PARD3: variants seen among roughly 807,000 people sequenced by gnomAD.
The protein encoded by PARD3 is par-3 family cell polarity regulator, also known as partitioning defective 3 homolog.
Under a neutral mutation model 155.4 loss-of-function variants are expected in PARD3, and 75 were observed. The ratio of observed to expected loss-of-function variants is 0.48; its 90% CI spans 0.40 to 0.58. The LOEUF (loss-of-function observed/expected upper bound fraction) is 0.58, where lower values mean the gene tolerates loss of function less well. Among genes scored for constraint, PARD3 ranks in the 20% least tolerant of loss-of-function variants. PARD3 has a pLI of 0.00. For missense variants in PARD3, 1,642 were observed against 1,721.7 expected (o/e 0.95, Z 0.82); for synonymous variants, 576 against 610.5 (o/e 0.94, Z 0.83).
At chr10:34,361,302 C>G (rs1839414227) in intron 12 of PARD3, among the ~76,000 whole-genome samples, 1 of 152,230 alleles carries the variant, frequency 6.6e-6, no homozygotes, top group African/African-American at 2.4e-5. Context: ...TTCTCCTCCT[C>G]TTTTCCCACG....
intron 2 of PARD3, among the ~76,000 whole-genome samples, chr10:34,666,816 T>TGTATATATATATACAC (rs1554804683): frequency 1.1e-5 from 1 of 88,804 alleles, no homozygotes; most frequent in African/African-American, 4.7e-5. Context: ...TATATATATA[T>TGTATATATATATACAC]ACACACACAC....
chr10:34,760,478 C>T (rs1374455508), intron 1 of PARD3, among the ~76,000 whole-genome samples: 3 of 152,018 alleles, frequency 2.0e-5, no homozygotes, highest in Non-Finnish European at 4.4e-5. Context: ...ATTACAGGCA[C>T]CTGCCACCAT....
chr10:34,270,140 CTTTTTTT>C (rs3039311), intron 21 of PARD3, among the ~76,000 whole-genome samples: 1 of 121,800 alleles, frequency 8.2e-6, no homozygotes. Context: ...TAATTTAAAT[CTTTTTTT>C]TTTTTTTTTT....
chr10:34,765,381 G>A (rs1837961244), intron 1 of PARD3, among the ~76,000 whole-genome samples: 4 of 152,046 alleles, frequency 2.6e-5, no homozygotes, highest in Admixed American at 2.6e-4. Context: ...TTCTTCTTAA[G>A]ATTTGGGCTT....
Position 34,517,188 on chromosome 10 carries a change from T to C in PARD3, c.223-29A>G, listed in dbSNP as rs754310503. On this transcript the variant is annotated intron_variant, in intron 2 of 24. Coordinates refer to ENST00000374788, the MANE Select transcript of PARD3 (RefSeq NM_001184785.2). ...GAAATGAAAGGTAAATGTGCACTTA[T>C]AAATAAAGGCACTTAATTAACTACC... 8.8e-6 allele frequency: 14 copies of C among 1,596,528 alleles called. No individual in the cohort carries two copies. In the East Asian group the frequency reaches 1.3e-4, roughly 15 times the overall value.
chr10:34,685,443 G>A (rs1389408071), intron 2 of PARD3, among the ~76,000 whole-genome samples: 6 of 152,126 alleles, frequency 3.9e-5, no homozygotes, highest in East Asian at 1.9e-4. Flanking sequence ...AAAACAGTAC[G>A]CTGGTCACCA....
intron 22 of PARD3, among the ~76,000 whole-genome samples, chr10:34,232,502 T>C (rs1460104441): frequency 6.6e-6 from 1 of 152,138 alleles, no homozygotes; most frequent in Non-Finnish European, 1.5e-5. Flanking sequence ...TCTGAGATTT[T>C]TCAAACAAGA....
At chr10:34,521,839 G>A (rs963378969) in intron 2 of PARD3, among the ~76,000 whole-genome samples, 4 of 152,168 alleles carry the variant, frequency 2.6e-5, no homozygotes, top group Non-Finnish European at 5.9e-5. Context: ...GCCCACAACT[G>A]CATGTAGCAA....
At chr10:34,306,555 A>G (rs564239167) in intron 20 of PARD3, among the ~76,000 whole-genome samples, 1 of 151,796 alleles carries the variant, frequency 6.6e-6, no homozygotes, top group African/African-American at 2.4e-5. Context: ...AGGCTGAGGC[A>G]GGAGAATCGC....
At chr10:34,671,844 C>A (rs1415943608) in intron 2 of PARD3, among the ~76,000 whole-genome samples, 1 of 139,550 alleles carries the variant, frequency 7.2e-6, no homozygotes, top group Admixed American at 7.4e-5. Context: ...CAAAAACATG[C>A]TTTACAGTTT....
In PARD3 at chr10:34,382,652, T is replaced by C; in HGVS notation, c.1287A>G (p.Gly429=). 1 of 1,614,154 alleles carries C rather than the reference T, an allele frequency of 6.2e-7. No homozygotes were observed. Among genetic ancestry groups the C allele is most frequent in the Non-Finnish European group, 8.5e-7 (1 of 1,180,040 alleles). The part of the protein sequence containing the change: ...SRLPHSAHPS[G]KPPSAPASAP... ...CCGAGGCTGGAGCGGATGGTGGTTTTCCCGAGGGGTGTGCGCTATGAGGTA... is the reference window on the plus strand; with the variant it reads ...CCGAGGCTGGAGCGGATGGTGGTTTCCCCGAGGGGTGTGCGCTATGAGGTA... The change falls in exon 9 of 25, where the codon GGA becomes GGG. Residue 429 remains glycine, a synonymous_variant. Coordinates refer to ENST00000374788, the MANE Select transcript of PARD3 (RefSeq NM_001184785.2).
At chr10:34,601,697 A>G (rs2089795594) in intron 2 of PARD3, among the ~76,000 whole-genome samples, 1 of 152,188 alleles carries the variant, frequency 6.6e-6, no homozygotes, top group South Asian at 2.1e-4. Flanking sequence ...GCACTATGGA[A>G]TCCTTCAGTT....
intron 23 of PARD3, among the ~76,000 whole-genome samples, chr10:34,122,063 A>T (rs1947035122): frequency 6.6e-6 from 1 of 152,234 alleles, no homozygotes; most frequent in East Asian, 1.9e-4. Context: ...GAGATAAACC[A>T]CTGGACAGAA....
At chr10:34,683,880 A>T (rs2093894359) in intron 2 of PARD3, among the ~76,000 whole-genome samples, 2 of 152,226 alleles carry the variant, frequency 1.3e-5, no homozygotes, top group South Asian at 4.1e-4. Flanking sequence ...TGGCCAAACC[A>T]GTACCCACAA....
intron 4 of PARD3, among the ~76,000 whole-genome samples, chr10:34,467,184 G>GA (rs2078062718): frequency 6.6e-6 from 1 of 151,830 alleles, no homozygotes; most frequent in Non-Finnish European, 1.5e-5. Context: ...AAAATTGAGA[G>GA]AAAACAGAAT....
intron 22 of PARD3, among the ~76,000 whole-genome samples, chr10:34,219,233 C>G (rs1952157186): frequency 6.6e-6 from 1 of 152,110 alleles, no homozygotes; most frequent in Non-Finnish European, 1.5e-5. Flanking sequence ...TCTTAGGAGG[C>G]TGATATCCCA....
intron 1 of PARD3, among the ~76,000 whole-genome samples, chr10:34,803,070 GAAAAAAAAA>G (rs34342941): frequency 9.7e-6 from 1 of 102,624 alleles, no homozygotes; most frequent in Non-Finnish European, 2.0e-5. Context: ...TACTAAAAAT[GAAAAAAAAA>G]AAAAAAAAAA....
chr10:34,703,946 C>A (rs1267042367), intron 1 of PARD3, among the ~76,000 whole-genome samples: 1 of 152,154 alleles, frequency 6.6e-6, no homozygotes, highest in African/African-American at 2.4e-5. Context: ...AAACATTACC[C>A]CTTTGTAAGT....
At chr10:34,693,410 T>C (rs972457197) in intron 2 of PARD3, among the ~76,000 whole-genome samples, 6 of 152,124 alleles carry the variant, frequency 3.9e-5, no homozygotes, top group African/African-American at 1.4e-4. Flanking sequence ...CATGGAACAC[T>C]AGGCAGCCAT....
Sources: allele counts gnomAD v4.1 joint callset (sites outside exome capture counted in the v4.1 genomes callset), GRCh38; gene constraint gnomAD v4.1.1; transcripts MANE v1.5; gene names NCBI Gene and HGNC (gene_info 2026-07-23, HGNC 2026-07-21).